The following POLE variants were observed in gnomAD, a reference collection of about 807,000 sequenced individuals.
POLE encodes DNA polymerase epsilon, catalytic subunit.
POLE carries 188 observed loss-of-function variants against 279.2 expected under a neutral mutation model. The ratio of observed to expected loss-of-function variants is 0.67; its 90% confidence interval spans 0.60 to 0.76. The LOEUF is 0.76. POLE is among the 30% of genes least tolerant of loss of function. The pLI, the probability that POLE is intolerant of heterozygous loss-of-function variation, is 0.00. For missense variants in POLE, 2,703 were observed against 3,016.7 expected, an observed-to-expected ratio of 0.90 and a Z score of 2.44; for synonymous variants, 1,214 against 1,172.5, an observed-to-expected ratio of 1.04 and a Z score of -0.72.
chr12:132,627,065 G>C (rs533558798), intron 45 of POLE, among the ~76,000 whole-genome samples: 8 of 152,326 alleles, frequency 5.3e-5, no homozygotes, highest in Non-Finnish European at 1.2e-4. Flanking sequence ...TGGATGGCCT[G>C]AGGTCAGGAG....
rs1167117347 is a variant in POLE, at chr12:132,658,881, C to CAAAAAAAAAAAAAAAA, written c.3275+398_3275+413dup. ...ACTGGTCCTATTTGTATATAACCAC[C>CAAAAAAAAAAAAAAAA]AAAAAAAAAAAAAAAAAAAAAAAAA... On this transcript the variant is annotated intron_variant, in intron 26 of 48. Transcript: ENST00000320574. Among the ~76,000 whole-genome samples, 196 of 33,838 alleles carry CAAAAAAAAAAAAAAAA rather than the reference C, an allele frequency of 5.8e-3. 40 individuals carry two copies. Among genetic ancestry groups the CAAAAAAAAAAAAAAAA allele is most frequent in the Middle Eastern group, 0.026 (1 of 38 alleles). 22.2% of individuals were successfully genotyped at this position (33,838 alleles called of 152,430 possible). A position where few individuals can be genotyped will look rare whatever the true frequency, so the allele number is the denominator to read the frequency against.
At chr12:132,665,258 A>G in intron 21 of POLE, 44 bp downstream of exon 21, 2 of 1,595,670 alleles carry the variant, frequency 1.3e-6, no homozygotes, top group Non-Finnish European at 1.7e-6. Flanking sequence ...ACGTGGACTC[A>G]TCCATTCCTC....
rs756829894 is a variant in POLE at position 132,672,833 on chromosome 12, G to C, written c.1480C>G (p.Arg494Gly). ...TCACACAGAGTGCCAGAGCCCTTCC[G>C]CAGCACCTGCAAGAGAAACCAAGGC... Reference protein sequence around the residue: ...IIPMEPDEVLRKGSGTLCEAL... With the variant: ...IIPMEPDEVLGKGSGTLCEAL... Residue 494 changes from arginine (R) to glycine (G), a missense_variant, in exon 15 of 49, where the codon CGG becomes GGG. Physicochemically the swap from Arg to Gly is moderately radical, Grantham distance 125. Coordinates refer to ENST00000320574, the MANE Select transcript of POLE (RefSeq NM_006231.4). The C allele has an allele frequency of 6.2e-7, 1 of 1,613,482 alleles. No homozygotes were observed. The highest frequency in any genetic ancestry group is 8.5e-7 in the Non-Finnish European group (1 of 1,179,600).
At position 132,665,385 on chromosome 12, in the gene POLE, C is replaced by T. The variant is rs761666105; in HGVS notation, c.2385G>A (p.Lys795=). 6.2e-7 allele frequency: 1 copy of T among 1,613,914 alleles called. No individual in the cohort carries two copies. The highest frequency in any genetic ancestry group is 1.1e-5 in the South Asian group (1 of 91,076). ...GCGAGTCATACAGCACCTCCATGTTCTTGCAGCGCTTCACCTCAGCCGCGT... is the reference window on the plus strand; with the variant it reads ...GCGAGTCATACAGCACCTCCATGTTTTTGCAGCGCTTCACCTCAGCCGCGT... The part of the protein sequence containing the change: ...VGDAAEVKRC[K]NMEVLYDSLQ... Residue 795 remains lysine (K), a synonymous_variant, in exon 21 of 49, where the codon AAG becomes AAA. Transcript: ENST00000320574.
At position 132,642,586 on chromosome 12, in the gene POLE, C is replaced by T. The variant is rs754982151; in HGVS notation, c.4872G>A (p.Trp1624Ter). 7 of 1,613,370 alleles carry T rather than the reference C, an allele frequency of 4.3e-6. No homozygotes were observed. The highest frequency in any genetic ancestry group is 5.9e-6 in the Non-Finnish European group (7 of 1,180,032). Residue 1624 changes from tryptophan (W) to a stop codon, truncating the protein, a stop_gained, in exon 37 of 49, where the codon TGG becomes TGA. Transcript: ENST00000320574. LOFTEE classifies it high-confidence loss of function. Reference sequence around the variant, plus strand: ...TCATGCGCCGGGCTCCATGGCGCTGCCAGTCCAGGACCCCATAGTTGATCT... The same window carrying T: ...TCATGCGCCGGGCTCCATGGCGCTGTCAGTCCAGGACCCCATAGTTGATCT... ...ADKINYGVLD[W>*]QRHGARRMIR...
rs563706147 is a variant in POLE, at chr12:132,637,927, C to G, written c.5678+87G>C. The G allele has an allele frequency of 6.7e-6, 10 of 1,491,436 alleles. No homozygotes were observed. The East Asian group carries it at 2.3e-4, about 35-fold the overall frequency. 92.4% of individuals were successfully genotyped at this position (1,491,436 alleles called of 1,614,324 possible). A position where few individuals can be genotyped will look rare whatever the true frequency, so the allele number is the denominator to read the frequency against. On this transcript the variant is annotated intron_variant, in intron 41 of 48. Coordinates refer to ENST00000320574, the MANE Select transcript of POLE (RefSeq NM_006231.4). ...CACTTCTAACGACCTCCCAGCCCAC[C>G]CAGGAGGAGAGCTGGCACCTCAGGG...
rs2135977476 is a variant in POLE at position 132,668,610 on chromosome 12, G to A, written c.2026+25C>T. 1.3e-6 allele frequency: 2 copies of A among 1,599,910 alleles called. No individual in the cohort carries two copies. The highest frequency in any genetic ancestry group is 1.3e-5 in the African/African-American group (1 of 74,700). On this transcript the variant is annotated intron_variant, in intron 18 of 48. Transcript: ENST00000320574. The surrounding 1 kb of genome is among the most constrained non-coding windows in gnomAD (Gnocchi z 4.0). ...CTCACCCACCCGTTTCCCACCGAGT[G>A]CCCACCCAGGCGGCCGACACTCACT...
At chr12:132,636,127 A>C in intron 41 of POLE, 103 bp from the exon 42 acceptor site, 1 of 1,217,922 alleles carries the variant, frequency 8.2e-7, no homozygotes, top group Non-Finnish European at 1.1e-6. Context: ...CTTACTTAAC[A>C]CTGAATTTGA....
At chr12:132,682,245 G>A (rs929692415) in intron 1 of POLE, among the ~76,000 whole-genome samples, 7 of 150,716 alleles carry the variant, frequency 4.6e-5, no homozygotes, top group Admixed American at 1.3e-4. Context: ...AGTGAGCCGA[G>A]AACGCGCCAC....
At chr12:132,663,664 G>GT (rs1331626553) in intron 23 of POLE, among the ~76,000 whole-genome samples, 1 of 152,222 alleles carries the variant, frequency 6.6e-6, no homozygotes, top group Non-Finnish European at 1.5e-5. Context: ...AGGTTTCTTA[G>GT]TTTTGACAAG....
chr12:132,641,843 CCA>C lies in POLE; in HGVS notation c.5180_5181del (p.Val1727GlyfsTer57), dbSNP rs1555222376. ...NSSGCYSTVCVELDLQNLAVN... is the reference protein window; with the variant it reads ...NSSGCYSTVCXELDLQNLAVN... ...ACGGCCAGGTTCTGAAGGTCCAGCT[CCA>C]CACACACTGCACAGGAAGACGCCAT... On this transcript the variant is annotated frameshift_variant, in exon 39 of 49. Transcript: ENST00000320574. LOFTEE classifies it high-confidence loss of function. 1.2e-6 allele frequency: 2 copies of C among 1,600,028 alleles called. No individual in the cohort carries two copies. The highest frequency in any genetic ancestry group is 1.7e-6 in the Non-Finnish European group (2 of 1,179,866).
Position 132,675,814 on chromosome 12 carries a change from G to A in POLE, c.1027C>T (p.Leu343=), listed in dbSNP as rs2136012036. Reference sequence around the variant, plus strand: ...ACGTGTTCAAACCACCTTTGGATCAGATGAGCCTGAACCCAAGTCACAGCA... The same window carrying A: ...ACGTGTTCAAACCACCTTTGGATCAAATGAGCCTGAACCCAAGTCACAGCA... ...CVFNEPDEAH[L]IQRWFEHVQE... The change falls in exon 11 of 49, where the codon CTG becomes TTG. Residue 343 remains leucine (L), a synonymous_variant. Coordinates refer to ENST00000320574, the MANE Select transcript of POLE (RefSeq NM_006231.4). The surrounding 1 kb of genome is among the most constrained non-coding windows in gnomAD (Gnocchi z 4.3). 1 of 1,613,694 alleles carries A rather than the reference G, an allele frequency of 6.2e-7. No individual in the cohort carries two copies. The highest frequency in any genetic ancestry group is 8.5e-7 in the Non-Finnish European group (1 of 1,179,556).
At chr12:132,636,924 A>C (rs5744982) in intron 41 of POLE, among the ~76,000 whole-genome samples, 1 of 152,244 alleles carries the variant, frequency 6.6e-6, no homozygotes, top group Non-Finnish European at 1.5e-5. Flanking sequence ...CTAAGGAAGA[A>C]TAGCAGCCTG....
rs1593079711 is a variant in POLE, at chr12:132,676,651, G to C, written c.804C>G (p.Asp268Glu). 6.2e-7 allele frequency: 1 copy of C among 1,600,452 alleles called. No individual in the cohort carries two copies. Among genetic ancestry groups the C allele is most frequent in the Non-Finnish European group, 8.6e-7 (1 of 1,167,676 alleles). ...TRRDDLVERP[D>E]PVVLAFDIET... ...CAATGTCAAATGCCAAAACCACAGG[G>C]TCCTGTGGGGACAAAATAAGCATAA... The change falls in exon 9 of 49, where the codon GAC becomes GAG. Residue 268 changes from aspartate (D) to glutamate (E), a missense_variant and splice_region_variant. Around this residue, in one of 5 missense-constraint regions of POLE, gnomAD observed 1,011 missense variants for 1,111.7 expected, o/e 0.91. Coordinates refer to ENST00000320574, the MANE Select transcript of POLE (RefSeq NM_006231.4).
At chr12:132,659,150 G>T in intron 26 of POLE, 145 bp downstream of exon 26, 1 of 801,822 alleles carries the variant, frequency 1.2e-6, no homozygotes, top group Non-Finnish European at 1.9e-6. Context: ...GCCCAAATCT[G>T]TAAGGAACCC....
chr12:132,641,565 G>A, intron 39 of POLE, 82 bp downstream of exon 39: 1 of 1,223,324 alleles, frequency 8.2e-7, no homozygotes, highest in Non-Finnish European at 1.2e-6. Flanking sequence ...AATGGACCCT[G>A]TCTTAGACCT....
rs1555225168 is a variant in POLE at position 132,657,265 on chromosome 12, G to A, written c.3460-7C>T. On this transcript the variant is annotated splice_polypyrimidine_tract_variant and splice_region_variant and intron_variant, in intron 28 of 48. Coordinates refer to ENST00000320574, the MANE Select transcript of POLE (RefSeq NM_006231.4). ...GTGGCACTGGGTTCTTTACCTGTGT[G>A]AGGCCAACACCCATCAGAGAGAGAC... is the stretch of plus-strand genomic sequence containing the variant. 2.5e-6 allele frequency: 4 copies of A among 1,614,042 alleles called. No individual in the cohort carries two copies. Among genetic ancestry groups the A allele is most frequent in the Middle Eastern group, 1.6e-4 (1 of 6,062 alleles).
In POLE at chr12:132,642,923, C is replaced by A. The variant is rs747226226; in HGVS notation, c.4625G>T (p.Gly1542Val). The A allele has an allele frequency of 6.2e-7, 1 of 1,612,602 alleles. No individual in the cohort carries two copies. The highest frequency in any genetic ancestry group is 8.5e-7 in the Non-Finnish European group (1 of 1,179,558). Residue 1542 changes from glycine to valine, a missense_variant, in exon 36 of 49, where the codon GGC becomes GTC. This residue lies in a region of POLE where 1,551 missense variants were observed against 1,686.1 expected (regional missense o/e 0.92). Coordinates refer to ENST00000320574, the MANE Select transcript of POLE (RefSeq NM_006231.4). ...AEHGLLLEKVGPELLPPPKHT... is the reference protein window; with the variant it reads ...AEHGLLLEKVVPELLPPPKHT... ...TTTGGGGGGTGGCAGGAGCTCAGGG[C>A]CCACCTTCTCCAGGAGGAGGCCGTG...
chr12:132,645,933 T>C (rs2042273910), intron 32 of POLE, among the ~76,000 whole-genome samples: 1 of 152,188 alleles, frequency 6.6e-6, no homozygotes, highest in African/African-American at 2.4e-5. Flanking sequence ...CTAGATGAAA[T>C]GATACCCCTT....
Sources: gnomAD v4.1 joint callset for allele counts (sites outside exome capture counted in the v4.1 genomes callset) on GRCh38, gnomAD v4.1.1 for gene constraint, gnomAD v4.1.1 regional missense constraint, Gnocchi (gnomAD v3.1) non-coding constraint, MANE v1.5 for transcripts, NCBI Gene and HGNC (gene_info 2026-07-23, HGNC 2026-07-21) for gene names.